ROBO2: variants seen among roughly 807,000 people sequenced by gnomAD.
ROBO2 encodes the protein roundabout guidance receptor 2.
ROBO2 carries 53 observed loss-of-function variants against 160.8 expected under a neutral mutation model. The observed-to-expected ratio is 0.33, with a 90% CI of 0.26 to 0.41. ROBO2 has a LOEUF of 0.41. Ranked by LOEUF, ROBO2 falls within the 10% of genes least tolerant of loss-of-function variation. The pLI is 1.00. For missense variants in ROBO2, 1,577 were observed against 1,722.4 expected, an observed-to-expected ratio of 0.92 and a Z score of 1.49; for synonymous variants, 664 against 611.7, an observed-to-expected ratio of 1.09 and a Z score of -1.26.
intron 5 of ROBO2, among the ~76,000 whole-genome samples, chr3:77,520,542 T>C (rs920485505): frequency 3.3e-5 from 5 of 151,384 alleles, no homozygotes; most frequent in Admixed American, 6.6e-5. Flanking sequence ...CTTGGAATCA[T>C]GGCTTCACAT....
At chr3:76,439,163 A>G (rs577179845) in intron 2 of ROBO2, among the ~76,000 whole-genome samples, 98 of 152,312 alleles carry the variant, frequency 6.4e-4, no homozygotes, top group Middle Eastern at 3.4e-3. Context: ...ATATGTATTC[A>G]ATGCCAACTG....
chr3:77,248,721 G>A (rs370435636), intron 2 of ROBO2, among the ~76,000 whole-genome samples: 4 of 151,698 alleles, frequency 2.6e-5, no homozygotes, highest in South Asian at 4.2e-4. Context: ...GGGCCTGTGC[G>A]CTCCAGTTCC....
At chr3:76,985,720 A>G (rs1040257339) in intron 2 of ROBO2, among the ~76,000 whole-genome samples, 1 of 151,992 alleles carries the variant, frequency 6.6e-6, no homozygotes, top group Non-Finnish European at 1.5e-5. Flanking sequence ...ATTCCATTGC[A>G]TATTCAACTT....
At chr3:76,826,672 C>T (rs1175637327) in intron 2 of ROBO2, among the ~76,000 whole-genome samples, 1 of 152,044 alleles carries the variant, frequency 6.6e-6, no homozygotes, top group Non-Finnish European at 1.5e-5. Flanking sequence ...ACATTAAATA[C>T]CTAGCACATC....
At chr3:76,270,456 CATAAT>C (rs1487930247) in intron 2 of ROBO2, among the ~76,000 whole-genome samples, 2 of 152,002 alleles carry the variant, frequency 1.3e-5, no homozygotes, top group Non-Finnish European at 2.9e-5. Context: ...ATTATGAACT[CATAAT>C]AGACTACGAT....
exon 2 of ROBO2, chr3:77,098,160 C>A: frequency 2.5e-6 from 4 of 1,614,132 alleles, no homozygotes; most frequent in Non-Finnish European, 3.4e-6. Context: ...AGATGGGGAG[C>A]GAGTGGAGAC....
intron 2 of ROBO2, among the ~76,000 whole-genome samples, chr3:76,690,119 G>A (rs1051628833): frequency 2.6e-5 from 4 of 152,042 alleles, no homozygotes; most frequent in African/African-American, 7.2e-5. Context: ...TGGCAGCAAG[G>A]GGAGTATGGA....
chr3:77,470,115 T>C (rs2083205580), intron 2 of ROBO2, among the ~76,000 whole-genome samples: 1 of 152,144 alleles, frequency 6.6e-6, no homozygotes, highest in South Asian at 2.1e-4. Context: ...TTCATATCCC[T>C]AGGGCATGGA....
chr3:76,055,624 A>G (rs2067815350), intron 2 of ROBO2, among the ~76,000 whole-genome samples: 1 of 152,158 alleles, frequency 6.6e-6, no homozygotes, highest in African/African-American at 2.4e-5. Context: ...TTGTTCACTT[A>G]GGATTATAGC....
intron 2 of ROBO2, among the ~76,000 whole-genome samples, chr3:77,299,313 G>A (rs556323524): frequency 6.6e-6 from 1 of 152,116 alleles, no homozygotes; most frequent in Admixed American, 6.6e-5. Flanking sequence ...AAGAGAGAGC[G>A]AAGACTAGTC....
chr3:76,527,073 T>G (rs572438590), intron 2 of ROBO2, among the ~76,000 whole-genome samples: 1 of 152,230 alleles, frequency 6.6e-6, no homozygotes, highest in Non-Finnish European at 1.5e-5. Context: ...GTGTGGAATT[T>G]TATTTTTCTA....
intron 2 of ROBO2, among the ~76,000 whole-genome samples, chr3:76,385,242 A>T (rs906018763): frequency 4.6e-5 from 7 of 151,996 alleles, no homozygotes; most frequent in Non-Finnish European, 1.0e-4. Context: ...GCATACACCC[A>T]CCTTCGTCTT....
At chr3:75,959,378 C>T (rs921208300) in intron 2 of ROBO2, among the ~76,000 whole-genome samples, 4 of 151,554 alleles carry the variant, frequency 2.6e-5, no homozygotes, top group African/African-American at 9.7e-5. Context: ...TTAGGCATTA[C>T]CTGAAAAGGA....
chr3:76,033,867 T>C (rs2067011381), intron 2 of ROBO2, among the ~76,000 whole-genome samples: 1 of 152,164 alleles, frequency 6.6e-6, no homozygotes, highest in Admixed American at 6.5e-5. Flanking sequence ...CTCCCGTCTC[T>C]CCGTGTGGTT....
At chr3:76,874,072 T>A (rs1047102731) in intron 2 of ROBO2, among the ~76,000 whole-genome samples, 2 of 152,154 alleles carry the variant, frequency 1.3e-5, no homozygotes, top group Non-Finnish European at 2.9e-5. Context: ...AGCAGGTTAG[T>A]GGGCCAGCCA....
At chr3:77,577,760 A>G in intron 15 of ROBO2, 146 bp downstream of exon 16, 1 of 1,013,546 alleles carries the variant, frequency 9.9e-7, no homozygotes, top group South Asian at 1.4e-5. Context: ...ACAGAGAATG[A>G]AACAAATGCA....
chr3:77,077,545 C>T (rs965725141), intron 1 of ROBO2, among the ~76,000 whole-genome samples: 1 of 152,054 alleles, frequency 6.6e-6, no homozygotes, highest in Admixed American at 6.6e-5. Context: ...TGCTGGGGTG[C>T]GTCTTGGCAC....
Position 76,610,005 on chromosome 3 carries a change from A to G in ROBO2, c.110-488009A>G, listed in dbSNP as rs376213939. On this transcript the variant is annotated intron_variant, in intron 2 of 26. Transcript: ENST00000487694. ...TGTTTATATGACATATCCATATCAC[A>G]TTGATTGATTTGTGTATGTTGAGCC... Among the ~76,000 whole-genome samples, 6 of 152,218 alleles carry G rather than the reference A, an allele frequency of 3.9e-5. No homozygotes were observed. In the East Asian group the frequency reaches 1.2e-3, roughly 30 times the overall value.
At chr3:76,939,005 A>G (rs1194770661) in intron 2 of ROBO2, among the ~76,000 whole-genome samples, 1 of 146,060 alleles carries the variant, frequency 6.8e-6, no homozygotes, top group Non-Finnish European at 1.5e-5. Flanking sequence ...AAGTAGCCCC[A>G]CACTGTTTCT....
Sources: allele counts gnomAD v4.1 joint callset (sites outside exome capture counted in the v4.1 genomes callset), GRCh38; gene constraint gnomAD v4.1.1; transcripts MANE v1.5; gene names NCBI Gene and HGNC (gene_info 2026-07-23, HGNC 2026-07-21).